NDP: variants seen among roughly 807,000 people sequenced by gnomAD.
NDP encodes norrin cystine knot growth factor NDP, also known as norrin.
In NDP, 2 loss-of-function variants were observed where a neutral mutation model predicts 8.4. The observed-to-expected ratio is 0.24, with a 90% confidence interval of 0.10 to 0.75. NDP has a LOEUF of 0.75. Ranked by LOEUF, NDP falls within the 30% of genes least tolerant of loss-of-function variation. The pLI is 0.73. For synonymous variants in NDP, 55 were observed against 45.6 expected (o/e 1.21, Z -0.83); for missense variants, 81 against 110.1 (o/e 0.74, Z 1.18).
chrX:43,966,930 C>T (rs1167746228), intron 1 of NDP, among the ~76,000 whole-genome samples: 1 of 111,934 alleles, frequency 8.9e-6, no homozygotes, highest in Non-Finnish European at 1.9e-5. Context: ...TCAGTCTTTC[C>T]ATTCCCCATT....
intron 2 of NDP, among the ~76,000 whole-genome samples, chrX:43,955,167 A>G (rs2035785389): frequency 8.9e-6 from 1 of 112,293 alleles, no homozygotes; most frequent in Non-Finnish European, 1.9e-5. Context: ...CATTTTCCTA[A>G]TCTTTTAAGG....
At chrX:43,970,153 G>T (rs1226298572) in intron 1 of NDP, among the ~76,000 whole-genome samples, 1 of 111,954 alleles carries the variant, frequency 8.9e-6, no homozygotes, top group Non-Finnish European at 1.9e-5. Context: ...CATACACAAA[G>T]AGGAAATGAC....
intron 1 of NDP, chrX:43,961,001 T>C: frequency 8.9e-6 from 1 of 112,642 alleles, no homozygotes. Context: ...CATCGTTGTA[T>C]TTATTGGCAT....
At chrX:43,964,323 A>G (rs2035844795) in intron 1 of NDP, among the ~76,000 whole-genome samples, 1 of 110,852 alleles carries the variant, frequency 9.0e-6, no homozygotes. Context: ...ATGAATTACA[A>G]TCCTGGGGTA....
intron 1 of NDP, among the ~76,000 whole-genome samples, chrX:43,962,802 C>T (rs946826151): frequency 1.8e-5 from 2 of 111,770 alleles, no homozygotes; most frequent in African/African-American, 3.3e-5. Flanking sequence ...AGGAGAGGCA[C>T]GTAGGCTGGC....
In NDP at chrX:43,958,484, C is replaced by T. The variant is rs759043967; in HGVS notation, c.162G>A (p.Lys54=). The change falls in exon 2 of 3, where the codon AAG becomes AAA. Residue 54 remains lysine, a synonymous_variant. Coordinates refer to ENST00000642620, the MANE Select transcript of NDP (RefSeq NM_000266.4). The stretch of plus-strand genomic sequence containing the variant: ...ACCTTGGTCTTACCTTTGAGCTACA[C>T]TTGTACAATGGGTGACTGATAGAAT... The part of the protein sequence containing the change: ...YVDSISHPLY[K]CSSKMVLLAR... 1 of 1,211,911 alleles carries T rather than the reference C, an allele frequency of 8.3e-7. No homozygotes were observed. Among genetic ancestry groups the T allele is most frequent in the South Asian group, 1.8e-5 (1 of 57,023 alleles).
intron 1 of NDP, among the ~76,000 whole-genome samples, chrX:43,963,073 C>T (rs1018963320): frequency 2.7e-5 from 3 of 112,191 alleles, no homozygotes; most frequent in African/African-American, 9.7e-5. Context: ...TGGCCTTATT[C>T]TTGCCTTGCT....
chrX:43,953,967 G>C (rs1159675280), intron 2 of NDP, among the ~76,000 whole-genome samples: 2 of 112,556 alleles, frequency 1.8e-5, no homozygotes, highest in Non-Finnish European at 3.8e-5. Flanking sequence ...AGCTTATGCA[G>C]AGCTGAATCT....
In NDP at chrX:43,949,130, C is replaced by G. The variant is rs1251657311; in HGVS notation, c.*669G>C. ...TTTTACCATAATTTATCTGAGACAG[C>G]CTTCCTGTGACAAATTCTTTATGCT... On this transcript the variant is annotated 3_prime_UTR_variant, in exon 3 of 3. Coordinates refer to ENST00000642620, the MANE Select transcript of NDP (RefSeq NM_000266.4). 8.8e-6 allele frequency: 1 copy of G among 113,358 alleles called. No homozygotes were observed. The highest frequency in any genetic ancestry group is 1.9e-5 in the Non-Finnish European group (1 of 54,045). 9.3% of individuals were successfully genotyped at this position (113,358 alleles called of 1,213,427 possible).
chrX:43,958,874 C>G (rs922600191), intron 1 of NDP, 22 bp from the exon 2 acceptor site: 1 of 406,740 alleles, frequency 2.5e-6, no homozygotes, highest in Admixed American at 4.0e-5. Context: ...ACAGAAATTA[C>G]TTTCCCCAGA....
intron 1 of NDP, among the ~76,000 whole-genome samples, chrX:43,961,920 A>C: frequency 8.9e-6 from 1 of 111,952 alleles, no homozygotes. Flanking sequence ...TTTTTTCCTA[A>C]AAATGAATAA....
chrX:43,964,056 T>A (rs749686062), intron 1 of NDP, among the ~76,000 whole-genome samples: 7 of 111,852 alleles, frequency 6.3e-5, no homozygotes, highest in Non-Finnish European at 1.1e-4. Context: ...ACATTTCATG[T>A]GTCTAATCCA....
At chrX:43,959,793 A>G (rs941011402) in intron 1 of NDP, among the ~76,000 whole-genome samples, 1 of 111,719 alleles carries the variant, frequency 9.0e-6, no homozygotes, top group African/African-American at 3.3e-5. Context: ...CATTTAGGAA[A>G]ATTGGGAGGG....
At chrX:43,964,314 T>C (rs61249063) in intron 1 of NDP, among the ~76,000 whole-genome samples, 1,487 of 110,521 alleles carry the variant, frequency 0.013, 38 homozygotes, top group African/African-American at 0.047. Flanking sequence ...AAAGAGGCAA[T>C]GAATTACAAT....
chrX:43,955,488 G>C (rs2035787652), intron 2 of NDP, among the ~76,000 whole-genome samples: 1 of 112,362 alleles, frequency 8.9e-6, no homozygotes, highest in Admixed American at 9.4e-5. Flanking sequence ...TCACTTCAAA[G>C]CCTGGCATGC....
chrX:43,963,621 T>C (rs901928738), intron 1 of NDP, among the ~76,000 whole-genome samples: 4 of 112,025 alleles, frequency 3.6e-5, no homozygotes, highest in Non-Finnish European at 7.5e-5. Context: ...TAGATAACCC[T>C]AGATAAAACT....
At chrX:43,970,800 A>G (rs2035887459) in intron 1 of NDP, among the ~76,000 whole-genome samples, 1 of 111,241 alleles carries the variant, frequency 9.0e-6, no homozygotes, top group Non-Finnish European at 1.9e-5. Flanking sequence ...TGAGTAGGCG[A>G]CTCACACCCA....
chrX:43,958,794 C>T lies in NDP; in HGVS notation c.-149G>A. ...TCTGGTTGTCATTGTCCTTTATGTGCTGGAGTTTTGTCTTACTCTTTGCAC... is the reference window on the plus strand; with the variant it reads ...TCTGGTTGTCATTGTCCTTTATGTGTTGGAGTTTTGTCTTACTCTTTGCAC... On this transcript the variant is annotated 5_prime_UTR_variant, in exon 2 of 3. Transcript: ENST00000642620. The T allele has an allele frequency of 1.9e-6, 1 of 522,400 alleles. No individual in the cohort carries two copies. The highest frequency in any genetic ancestry group is 3.3e-6 in the Non-Finnish European group (1 of 300,237). The allele number at this position is 522,400 out of a possible 1,213,427, so 43.1% of individuals were successfully genotyped here.
In NDP at chrX:43,949,146, T is replaced by C. The variant is rs1487824604; in HGVS notation, c.*653A>G. The C allele has an allele frequency of 8.8e-6, 1 of 113,623 alleles. No homozygotes were observed. The highest frequency in any genetic ancestry group is 1.8e-5 in the Non-Finnish European group (1 of 54,141). 9.4% of individuals were successfully genotyped at this position (113,623 alleles called of 1,213,427 possible). ...CTGAGACAGCCTTCCTGTGACAAATTCTTTATGCTGCTTTTACTTTCAAAA... is the reference window on the plus strand; with the variant it reads ...CTGAGACAGCCTTCCTGTGACAAATCCTTTATGCTGCTTTTACTTTCAAAA... On this transcript the variant is annotated 3_prime_UTR_variant, in exon 3 of 3. Transcript: ENST00000642620.
Sources: gnomAD v4.1 joint callset for allele counts (sites outside exome capture counted in the v4.1 genomes callset) on GRCh38, gnomAD v4.1.1 for gene constraint, MANE v1.5 for transcripts, NCBI Gene and HGNC (gene_info 2026-07-23, HGNC 2026-07-21) for gene names.